Variants in EZR observed in about 807,000 individuals in gnomAD.
The protein encoded by EZR is ezrin.
Under a neutral mutation model 74.8 loss-of-function variants are expected in EZR, and 40 were observed. The observed-to-expected ratio is 0.53, with a 90% confidence interval of 0.42 to 0.70. The LOEUF (loss-of-function observed/expected upper bound fraction) is 0.70. Ranked by LOEUF, EZR falls within the 30% of genes least tolerant of loss-of-function variation. EZR has a pLI of 0.00. For missense variants in EZR, 678 were observed against 755.8 expected (o/e 0.90, Z 1.21); for synonymous variants, 341 against 283.3 (o/e 1.20, Z -2.05).
chr6:158,784,412 A>G (rs1279974240), intron 6 of EZR, among the ~76,000 whole-genome samples: 2 of 152,202 alleles, frequency 1.3e-5, no homozygotes, highest in South Asian at 4.1e-4. Flanking sequence ...GGAGGGTGTA[A>G]GCTTTTAGAA....
At chr6:158,803,675 CAGAG>C (rs201883540) in intron 2 of EZR, among the ~76,000 whole-genome samples, 1 of 130,948 alleles carries the variant, frequency 7.6e-6, no homozygotes, top group African/African-American at 2.9e-5. Context: ...ATAAAATATA[CAGAG>C]AGAGTCCAGA....
intron 2 of EZR, among the ~76,000 whole-genome samples, chr6:158,812,101 T>C (rs1459064073): frequency 6.6e-6 from 1 of 152,126 alleles, no homozygotes; most frequent in Non-Finnish European, 1.5e-5. Context: ...CAGAAGAATA[T>C]TATGTTGAAT....
At position 158,767,472 on chromosome 6, in the gene EZR, T is replaced by C; in HGVS notation, c.1385A>G (p.Glu462Gly). 1 of 1,609,048 alleles carries C rather than the reference T, an allele frequency of 6.2e-7. No homozygotes were observed. Among genetic ancestry groups the C allele is most frequent in the Non-Finnish European group, 8.5e-7 (1 of 1,176,640 alleles). The change falls in exon 13 of 14, where the codon GAG becomes GGG. Residue 462 changes from glutamate (E) to glycine (G), a missense_variant. Physicochemically the swap from Glu to Gly is moderately conservative, Grantham distance 98 (BLOSUM62 -2). Around this residue, in one of 3 missense-constraint regions of EZR, gnomAD observed 342 missense variants for 341.2 expected, o/e 1.00. Transcript: ENST00000367075. ...GGGTGCTGTCATCACCAGGTGCAGC[T>C]CCTCCTTGGTCTTCACCAGGTCATC... ...AQDDLVKTKE[E>G]LHLVMTAPPP...
intron 2 of EZR, among the ~76,000 whole-genome samples, chr6:158,812,124 T>TA (rs1230667417): frequency 6.6e-6 from 1 of 152,174 alleles, no homozygotes; most frequent in Admixed American, 6.5e-5. Flanking sequence ...CCTGCCCAAG[T>TA]ATAGGTAAGC....
In EZR at chr6:158,769,306, T is replaced by TGG. The variant is rs757086924; in HGVS notation, c.1344+19_1344+20insCC. 6.5e-5 allele frequency: 105 copies of TGG among 1,604,054 alleles called. No homozygotes were observed. Among genetic ancestry groups the TGG allele is most frequent in the Non-Finnish European group, 1.2e-5 (14 of 1,177,544 alleles). ...AACAGGTGCTGTGGCCGTGCGGAGG[T>TGG]GTCCCCCGTGCAGACTCACCCTGTG... is the stretch of plus-strand genomic sequence containing the variant. On this transcript the variant is annotated intron_variant, in intron 12 of 13. Coordinates refer to ENST00000367075, the MANE Select transcript of EZR (RefSeq NM_001111077.2).
intron 4 of EZR, among the ~76,000 whole-genome samples, chr6:158,786,190 G>A (rs1270133147): frequency 2.0e-5 from 3 of 152,152 alleles, no homozygotes; most frequent in African/African-American, 7.2e-5. Flanking sequence ...TGACCAACAT[G>A]GTGAAACCCC....
intron 7 of EZR, among the ~76,000 whole-genome samples, chr6:158,778,172 C>T (rs1369657686): frequency 1.3e-5 from 2 of 152,162 alleles, no homozygotes; most frequent in Admixed American, 6.5e-5. Context: ...AGCTAGGATC[C>T]AAGCTCCGGA....
At chr6:158,786,977 T>G in intron 4 of EZR, 131 bp downstream of exon 4, 1 of 676,164 alleles carries the variant, frequency 1.5e-6, no homozygotes, top group South Asian at 1.9e-5. Flanking sequence ...GCAACCTTTT[T>G]GTCTGTAAAA....
At chr6:158,785,906 G>A (rs984070560) in intron 4 of EZR, among the ~76,000 whole-genome samples, 11 of 152,052 alleles carry the variant, frequency 7.2e-5, no homozygotes, top group Admixed American at 7.2e-4. Context: ...AAAAAAGTTA[G>A]CTGGGGATGG....
intron 2 of EZR, among the ~76,000 whole-genome samples, chr6:158,815,969 A>G (rs537772592): frequency 2.0e-5 from 3 of 152,348 alleles, no homozygotes; most frequent in African/African-American, 7.2e-5. Context: ...ACAAAATGAA[A>G]TGAAAACATA....
chr6:158,770,040 G>C (rs1264230154), intron 10 of EZR, 96 bp from the exon 11 acceptor site: 112 of 1,512,482 alleles, frequency 7.4e-5, no homozygotes, highest in Non-Finnish European at 9.9e-5. Flanking sequence ...CAGAGCCCTA[G>C]ACCAAGTCAC....
rs1791278287 is a variant in EZR, at chr6:158,776,346, T to C, written c.795+62A>G. 3.0e-6 allele frequency: 4 copies of C among 1,338,656 alleles called. No homozygotes were observed. The South Asian group carries it at 4.7e-5, about 16-fold the overall frequency. 82.9% of individuals were successfully genotyped at this position (1,338,656 alleles called of 1,614,324 possible). A position where few individuals can be genotyped will look rare whatever the true frequency, so the allele number is the denominator to read the frequency against. ...TACTCGTCACAGTATAACTTGTCCG[T>C]TACCCTGACAAGTATAAGAATGAAA... is the stretch of plus-strand genomic sequence containing the variant. On this transcript the variant is annotated intron_variant, in intron 8 of 13. Transcript: ENST00000367075.
In EZR at chr6:158,787,103, C is replaced by CT. The variant is rs1791603395; in HGVS notation, c.192+4dup. On this transcript the variant is annotated splice_donor_region_variant and intron_variant, in intron 4 of 13. Transcript: ENST00000367075. ...ACAGCCTGTAAATAGTTAATCCTGA[C>CT]TTGCCTTCTTATCCAGCTTCAGCCA... 1 of 1,612,040 alleles carries CT rather than the reference C, an allele frequency of 6.2e-7. No homozygotes were observed. The highest frequency in any genetic ancestry group is 8.5e-7 in the Non-Finnish European group (1 of 1,178,316).
chr6:158,769,541 C>T (rs2128564407), intron 11 of EZR, 123 bp from the exon 12 acceptor site: 1 of 1,076,324 alleles, frequency 9.3e-7, no homozygotes, highest in Non-Finnish European at 1.4e-6. Flanking sequence ...CCCGCCACCC[C>T]CACTCCATGG....
chr6:158,813,614 T>C lies in EZR; in HGVS notation c.12+4468A>G, dbSNP rs577341309. ...TTGCGAGGGGATTGTGAGGGGGGAG[T>C]ACATTCAGTAAACTGTCCCTGTTAA... On this transcript the variant is annotated intron_variant, in intron 2 of 13. Transcript: ENST00000367075. Among the ~76,000 whole-genome samples the C allele has an allele frequency of 1.8e-4, 28 of 152,206 alleles. No individual in the cohort carries two copies. In the South Asian group the frequency reaches 5.4e-3, roughly 29 times the overall value.
In EZR at chr6:158,785,598, C is replaced by G; in HGVS notation, c.193-15G>C. 1 of 1,610,490 alleles carries G rather than the reference C, an allele frequency of 6.2e-7. No individual in the cohort carries two copies. On this transcript the variant is annotated splice_polypyrimidine_tract_variant and intron_variant, in intron 4 of 13. Transcript: ENST00000367075. Reference sequence around the variant, plus strand: ...TGGGCAGACACCTGCACGAAACAAGCCACACTCTCCACACAAATCCGGAAG... The same window carrying G: ...TGGGCAGACACCTGCACGAAACAAGGCACACTCTCCACACAAATCCGGAAG...
chr6:158,782,702 C>T (rs973298688), intron 7 of EZR, among the ~76,000 whole-genome samples: 2 of 152,214 alleles, frequency 1.3e-5, no homozygotes, highest in Admixed American at 1.3e-4. Context: ...TGTGGACAAT[C>T]AGGGCAGAGA....
At chr6:158,784,518 CG>C in intron 6 of EZR, 125 bp downstream of exon 6, 2 of 764,038 alleles carry the variant, frequency 2.6e-6, no homozygotes, top group South Asian at 4.1e-5. Context: ...ACTTTTAACT[CG>C]GTTCCCTCAA....
chr6:158,816,520 G>A (rs879601698), intron 2 of EZR, among the ~76,000 whole-genome samples: 6 of 152,122 alleles, frequency 3.9e-5, no homozygotes, highest in Non-Finnish European at 8.8e-5. Flanking sequence ...TCCGCATACC[G>A]TTGCACTCAG....
Sources: gnomAD v4.1 joint callset for allele counts (sites outside exome capture counted in the v4.1 genomes callset) on GRCh38, gnomAD v4.1.1 for gene constraint, gnomAD v4.1.1 regional missense constraint, MANE v1.5 for transcripts, NCBI Gene and HGNC (gene_info 2026-07-23, HGNC 2026-07-21) for gene names.